Variants in DSCAML1 observed in about 807,000 individuals in gnomAD.
DSCAML1 encodes cell adhesion molecule DSCAML1.
In DSCAML1, 38 loss-of-function variants were observed where a neutral mutation model predicts 200.5. The ratio of observed to expected loss-of-function variants is 0.19; its 90% confidence interval spans 0.15 to 0.25. The LOEUF (loss-of-function observed/expected upper bound fraction) is 0.25, where lower values mean the gene tolerates loss of function less well. DSCAML1 is among the 10% of genes least tolerant of loss of function. The pLI, the probability that DSCAML1 is intolerant of heterozygous loss-of-function variation, is 1.00. For synonymous variants in DSCAML1, 1,215 were observed against 1,165.0 expected (o/e 1.04, Z -0.87); for missense variants, 2,223 against 2,858.8 (o/e 0.78, Z 5.07).
chr11:117,726,266 C>CGTGTGTGTGTGT (rs112110901), intron 3 of DSCAML1, among the ~76,000 whole-genome samples: 10 of 145,718 alleles, frequency 6.9e-5, no homozygotes, highest in African/African-American at 2.5e-4. Context: ...TGTGTGTGTG[C>CGTGTGTGTGTGT]GTGTGTGTGT....
chr11:117,639,496 C>T (rs981969954), intron 3 of DSCAML1, among the ~76,000 whole-genome samples: 1 of 151,382 alleles, frequency 6.6e-6, no homozygotes. Context: ...GGGTGGGAGG[C>T]TGGATGGGTA....
intron 11 of DSCAML1, among the ~76,000 whole-genome samples, chr11:117,486,895 AAAG>A (rs1281008986): frequency 4.7e-5 from 7 of 148,970 alleles, no homozygotes; most frequent in Admixed American, 4.1e-4. Flanking sequence ...AGAAAAAAAA[AAAG>A]AATGTAAAAT....
At chr11:117,778,533 A>G (rs1259572170) in intron 2 of DSCAML1, among the ~76,000 whole-genome samples, 3 of 152,254 alleles carry the variant, frequency 2.0e-5, no homozygotes, top group Non-Finnish European at 4.4e-5. Flanking sequence ...GGAAATCACC[A>G]TAAGAGCAGC....
Position 117,776,676 on chromosome 11 carries a change from C to T in DSCAML1, c.511+115G>A. On this transcript the variant is annotated intron_variant, in intron 3 of 32. Transcript: ENST00000651296. ...CACCAGAACAATAACAAGTCACTCC[C>T]CAGAGCCAACCTCAAGATCTTATTG... 3.8e-6 allele frequency: 5 copies of T among 1,327,380 alleles called. No homozygotes were observed. The South Asian group carries it at 4.2e-5, about 11-fold the overall frequency. The allele number at this position is 1,327,380 out of a possible 1,614,324, so 82.2% of individuals were successfully genotyped here.
chr11:117,437,371 T>C lies in DSCAML1; in HGVS notation c.4471A>G (p.Ile1491Val), dbSNP rs1000017814. The part of the protein sequence containing the change: ...FSKDQHLFTH[I>V]NSTHARLNLQ... ...TTAAGCCGAGCATGCGTGGAGTTGA[T>C]GTGGGTGAAGAGGTGTTGGTCTTTG... Residue 1491 changes from isoleucine (I) to valine (V), a missense_variant, in exon 26 of 33, where the codon ATC (isoleucine) becomes GTC (valine). Physicochemically the swap from Ile to Val is conservative, Grantham distance 29 (BLOSUM62 3). This residue lies in a region of DSCAML1 where 614 missense variants were observed against 739.1 expected (regional missense o/e 0.83). Coordinates refer to ENST00000651296, the MANE Select transcript of DSCAML1 (RefSeq NM_020693.4). This position sits in a 1 kb window ranked among gnomAD's most constrained non-coding sequence, Gnocchi z 5.3. 5 of 1,613,896 alleles carry C rather than the reference T, an allele frequency of 3.1e-6. No individual in the cohort carries two copies. Among genetic ancestry groups the C allele is most frequent in the Admixed American group, 3.3e-5 (2 of 59,994 alleles).
rs573026754 is a variant in DSCAML1, at chr11:117,597,736, G to A, written c.512-65214C>T. 3.9e-4 allele frequency among the ~76,000 whole-genome samples: 60 copies of A among 152,178 alleles called. 1 individual carries two copies. In the South Asian group the frequency reaches 7.5e-3, roughly 19 times the overall value. On this transcript the variant is annotated intron_variant, in intron 3 of 32. Transcript: ENST00000651296. ...CTCCCAAAGTGCTGGTATTACAGGCGTGAACCACCACACCTGGCTAATTCT... is the reference window on the plus strand; with the variant it reads ...CTCCCAAAGTGCTGGTATTACAGGCATGAACCACCACACCTGGCTAATTCT...
intron 14 of DSCAML1, among the ~76,000 whole-genome samples, chr11:117,476,108 T>G (rs544860565): frequency 1.2e-3 from 186 of 152,348 alleles, no homozygotes; most frequent in African/African-American, 4.2e-3. Flanking sequence ...GATTAACATA[T>G]TTCATTAAGG....
At position 117,481,215 on chromosome 11, in the gene DSCAML1, G is replaced by A. The variant is rs771991156; in HGVS notation, c.2615C>T (p.Ser872Leu). The change falls in exon 13 of 33, where the codon TCG (serine) becomes TTG (leucine). Residue 872 changes from serine to leucine, a missense_variant. This residue lies in a region of DSCAML1 where 438 missense variants were observed against 629.7 expected (regional missense o/e 0.70). Coordinates refer to ENST00000651296, the MANE Select transcript of DSCAML1 (RefSeq NM_020693.4). ...GATCAAGCCCCGGTCCTCCCCATAC[G>A]AGTTGATGGCATGGCAGCTGAAGAA... Reference protein sequence around the residue: ...SVFFSCHAINSYGEDRGLIQL... With the variant: ...SVFFSCHAINLYGEDRGLIQL... The A allele has an allele frequency of 1.9e-6, 3 of 1,613,966 alleles. No individual in the cohort carries two copies. The highest frequency in any genetic ancestry group is 1.1e-5 in the South Asian group (1 of 91,074).
chr11:117,512,922 G>C lies in DSCAML1; in HGVS notation c.1783+3545C>G, dbSNP rs149523907. ...GAATGCATCAGATTCAATTCATTAG[G>C]ACTGATCACTCCCTGAATGGGGCTG... On this transcript the variant is annotated intron_variant, in intron 8 of 32. Coordinates refer to ENST00000651296, the MANE Select transcript of DSCAML1 (RefSeq NM_020693.4). 1.5e-3 allele frequency among the ~76,000 whole-genome samples: 228 copies of C among 152,168 alleles called. 1 individual carries two copies. The highest frequency in any genetic ancestry group is 5.1e-3 in the African/African-American group (213 of 41,500).
Position 117,428,439 on chromosome 11 carries a change from G to A in DSCAML1, c.6051C>T (p.His2017=). Residue 2017 remains histidine, a synonymous_variant, in exon 33 of 33, where the codon CAC becomes CAT. Coordinates refer to ENST00000651296, the MANE Select transcript of DSCAML1 (RefSeq NM_020693.4). ...STEPPRAGGP[H]TKMGGSRDSL... ...AGTCCCTGGAGCCCCCCATTTTGGT[G>A]TGTGGGCCCCCGGCTCGTGGAGGCT... 1 of 1,543,566 alleles carries A rather than the reference G, an allele frequency of 6.5e-7. No homozygotes were observed. Among genetic ancestry groups the A allele is most frequent in the Non-Finnish European group, 8.7e-7 (1 of 1,147,534 alleles).
chr11:117,802,212 C>G (rs576545818), upstream of DSCAML1, among the ~76,000 whole-genome samples: 1 of 152,300 alleles, frequency 6.6e-6, no homozygotes, highest in East Asian at 1.9e-4. Context: ...CAGTGCCCCC[C>G]TTTTTCACCT....
At position 117,453,643 on chromosome 11, in the gene DSCAML1, T is replaced by C. The variant is rs542532651; in HGVS notation, c.3569-2955A>G. 1.8e-4 allele frequency among the ~76,000 whole-genome samples: 27 copies of C among 152,260 alleles called. No homozygotes were observed. In the East Asian group the frequency reaches 4.2e-3, roughly 24 times the overall value. ...AATCTTATTGCTTCTTCTTTGGAGG[T>C]AATCCGTCTTTTCTCCTCTGGTTGC... On this transcript the variant is annotated intron_variant, in intron 19 of 32. Coordinates refer to ENST00000651296, the MANE Select transcript of DSCAML1 (RefSeq NM_020693.4).
At position 117,808,968 on chromosome 11, in the gene DSCAML1, C is replaced by T. The variant is rs57729476; in HGVS notation, c.-250+8422G>A. ...GGCTCCGAGACACTAAAGGACTTCC[C>T]CAGGGCTGCCCAGGTGGTCAGTGAC... On this transcript the variant is annotated intron_variant, in intron 1 of 2. Transcript: ENST00000525836. 5.2e-3 allele frequency among the ~76,000 whole-genome samples: 790 copies of T among 152,324 alleles called. 1 individual carries two copies. Among genetic ancestry groups the T allele is most frequent in the African/African-American group, 0.016 (658 of 41,582 alleles).
At chr11:117,500,742 T>C (rs185785707) in intron 11 of DSCAML1, among the ~76,000 whole-genome samples, 47 of 152,312 alleles carry the variant, frequency 3.1e-4, no homozygotes, top group Admixed American at 2.7e-3. Flanking sequence ...GGATCAATGG[T>C]ATAGACACTC....
chr11:117,488,113 C>T (rs952825420), intron 11 of DSCAML1, among the ~76,000 whole-genome samples: 8 of 152,196 alleles, frequency 5.3e-5, no homozygotes, highest in African/African-American at 1.9e-4. Context: ...GCAGGGAATC[C>T]TCTTCCCCTC....
At chr11:117,796,265 C>T (rs954107599) in intron 1 of DSCAML1, among the ~76,000 whole-genome samples, 3 of 152,268 alleles carry the variant, frequency 2.0e-5, no homozygotes, top group Non-Finnish European at 4.4e-5. Context: ...GGAAGAGGGA[C>T]ACGCCCCCCA....
chr11:117,565,468 C>G (rs546488984), intron 3 of DSCAML1, among the ~76,000 whole-genome samples: 1 of 152,186 alleles, frequency 6.6e-6, no homozygotes, highest in Admixed American at 6.5e-5. Context: ...GCATTTCTGA[C>G]GTGGCATTGA....
chr11:117,450,977 G>A (rs1227279750), intron 19 of DSCAML1, among the ~76,000 whole-genome samples: 1 of 152,180 alleles, frequency 6.6e-6, no homozygotes, highest in East Asian at 1.9e-4. Flanking sequence ...AAGAGAAACA[G>A]AACCTATGAG....
chr11:117,743,163 G>T (rs1565257694), intron 3 of DSCAML1, among the ~76,000 whole-genome samples: 1 of 152,216 alleles, frequency 6.6e-6, no homozygotes. Flanking sequence ...GTCCATAGGG[G>T]AGACAGAGAA....
Sources: gnomAD v4.1 joint callset for allele counts (sites outside exome capture counted in the v4.1 genomes callset) on GRCh38, gnomAD v4.1.1 for gene constraint, gnomAD v4.1.1 regional missense constraint, Gnocchi (gnomAD v3.1) non-coding constraint, MANE v1.5 for transcripts, NCBI Gene and HGNC (gene_info 2026-07-23, HGNC 2026-07-21) for gene names.